Variants in DOCK1 observed in about 807,000 individuals in gnomAD.
The protein encoded by DOCK1 is dedicator of cytokinesis protein 1.
In DOCK1, 138 loss-of-function variants were observed where a neutral mutation model predicts 262.7. The ratio of observed to expected loss-of-function variants is 0.53; its 90% CI spans 0.46 to 0.61. The LOEUF (loss-of-function observed/expected upper bound fraction) is 0.61. Among genes scored for constraint, DOCK1 ranks in the 20% least tolerant of loss-of-function variants. DOCK1 has a pLI of 0.00. For synonymous variants in DOCK1, 866 were observed against 867.4 expected (o/e 1.00, Z 0.03); for missense variants, 1,908 against 2,370.7 (o/e 0.80, Z 4.05).
intron 27 of DOCK1, among the ~76,000 whole-genome samples, chr10:127,157,573 A>C (rs1008032037): frequency 1.3e-5 from 2 of 152,084 alleles, no homozygotes; most frequent in East Asian, 3.9e-4. Flanking sequence ...AGCCCAATTC[A>C]CCAATTCCTG....
intron 29 of DOCK1, among the ~76,000 whole-genome samples, chr10:127,263,991 A>G (rs866344906): frequency 1.3e-4 from 20 of 152,270 alleles, no homozygotes; most frequent in Middle Eastern, 6.8e-3. Context: ...CCTCGAAGAA[A>G]CCGTTTCTTA....
At chr10:127,394,352 T>TA (rs34284692) in intron 38 of DOCK1, among the ~76,000 whole-genome samples, 15,313 of 132,964 alleles carry the variant, frequency 0.12, 899 homozygotes, top group Middle Eastern at 0.13. Context: ...TGCACCAATG[T>TA]AAAAAAAAAA....
intron 31 of DOCK1, among the ~76,000 whole-genome samples, chr10:127,351,363 G>C (rs569050538): frequency 2.7e-4 from 41 of 152,284 alleles, no homozygotes; most frequent in Non-Finnish European, 3.4e-4. Context: ...CTCTTATTGA[G>C]AAAATGGGCA....
intron 32 of DOCK1, among the ~76,000 whole-genome samples, chr10:127,358,956 G>T (rs1266882696): frequency 6.6e-6 from 1 of 152,136 alleles, no homozygotes; most frequent in Non-Finnish European, 1.5e-5. Context: ...CTCTAGATGG[G>T]CTATGAGACC....
intron 1 of DOCK1, among the ~76,000 whole-genome samples, chr10:126,946,930 C>T (rs1434797319): frequency 1.3e-5 from 2 of 152,202 alleles, no homozygotes; most frequent in East Asian, 1.9e-4. Flanking sequence ...GACAGGCTCA[C>T]TTCTTGGATC....
At chr10:127,004,769 G>GCCCCCCCCCCC (rs1285670669) in intron 10 of DOCK1, among the ~76,000 whole-genome samples, 1 of 14,276 alleles carries the variant, frequency 7.0e-5, no homozygotes, top group Non-Finnish European at 1.4e-4. Flanking sequence ...CCCCTGCCCC[G>GCCCCCCCCCCC]CCACCCCCCC....
chr10:127,261,274 T>G (rs866389602), intron 29 of DOCK1, among the ~76,000 whole-genome samples: 10 of 126,766 alleles, frequency 7.9e-5, no homozygotes, highest in African/African-American at 3.1e-4. Context: ...TGTGTGTGTG[T>G]GCCTGCATGT....
chr10:127,400,318 T>C (rs558056743), intron 38 of DOCK1, among the ~76,000 whole-genome samples: 41 of 152,310 alleles, frequency 2.7e-4, no homozygotes, highest in African/African-American at 9.1e-4. Flanking sequence ...GGGGTCATCC[T>C]GGAAAGGAAA....
At chr10:126,948,926 T>G (rs2035898634) in intron 1 of DOCK1, among the ~76,000 whole-genome samples, 1 of 152,092 alleles carries the variant, frequency 6.6e-6, no homozygotes, top group African/African-American at 2.4e-5. Flanking sequence ...TGGAGCTGGT[T>G]GTATGCCTGG....
intron 27 of DOCK1, among the ~76,000 whole-genome samples, chr10:127,200,764 C>T (rs1468237861): frequency 6.6e-6 from 1 of 152,210 alleles, no homozygotes; most frequent in South Asian, 2.1e-4. Context: ...GATATTAGGA[C>T]ACTCCCAAGT....
At chr10:127,054,906 T>C (rs1269956786) in intron 22 of DOCK1, among the ~76,000 whole-genome samples, 7 of 152,244 alleles carry the variant, frequency 4.6e-5, no homozygotes, top group African/African-American at 1.7e-4. Context: ...GTTTCTGCTA[T>C]AGTAGTAAAT....
chr10:127,090,070 G>T (rs2047426073), intron 23 of DOCK1, among the ~76,000 whole-genome samples: 1 of 152,242 alleles, frequency 6.6e-6, no homozygotes, highest in Admixed American at 6.5e-5. Flanking sequence ...GGTGTGGGCG[G>T]CAGTTCTGGA....
chr10:126,908,377 T>C (rs573996569), intron 1 of DOCK1, among the ~76,000 whole-genome samples: 1 of 152,326 alleles, frequency 6.6e-6, no homozygotes, highest in East Asian at 1.9e-4. Context: ...ACAACAGGGC[T>C]GTGTTTCCCT....
At chr10:127,259,902 G>C (rs1169313238) in intron 29 of DOCK1, among the ~76,000 whole-genome samples, 2 of 151,208 alleles carry the variant, frequency 1.3e-5, no homozygotes, top group African/African-American at 4.9e-5. Flanking sequence ...CCTGCGCTAC[G>C]TAAGGGTTGC....
intron 29 of DOCK1, among the ~76,000 whole-genome samples, chr10:127,311,528 T>C (rs2062062036): frequency 6.6e-6 from 1 of 152,246 alleles, no homozygotes; most frequent in South Asian, 2.1e-4. Context: ...TTTTGGAATT[T>C]TGGATGTTCA....
At chr10:126,974,324 C>T (rs898351946) in intron 2 of DOCK1, among the ~76,000 whole-genome samples, 2 of 152,174 alleles carry the variant, frequency 1.3e-5, no homozygotes, top group African/African-American at 4.8e-5. Flanking sequence ...CCTTTTGATT[C>T]AGCCACATTC....
At chr10:127,088,021 G>A (rs190637264) in intron 23 of DOCK1, among the ~76,000 whole-genome samples, 3 of 152,198 alleles carry the variant, frequency 2.0e-5, no homozygotes, top group South Asian at 2.1e-4. Flanking sequence ...AGTTTTCTCT[G>A]ATTTGCTCTA....
intron 12 of DOCK1, among the ~76,000 whole-genome samples, chr10:127,013,934 G>T (rs1315219549): frequency 6.6e-6 from 1 of 152,222 alleles, no homozygotes; most frequent in Non-Finnish European, 1.5e-5. Flanking sequence ...CTGCCCACCG[G>T]CGCTCATTTT....
intron 23 of DOCK1, among the ~76,000 whole-genome samples, chr10:127,086,304 A>G (rs1444234914): frequency 6.7e-6 from 1 of 150,150 alleles, no homozygotes; most frequent in East Asian, 2.0e-4. Flanking sequence ...GACTTCCCAC[A>G]TTTCCCCCCA....
Sources: allele counts gnomAD v4.1 joint callset (sites outside exome capture counted in the v4.1 genomes callset), GRCh38; gene constraint gnomAD v4.1.1; transcripts MANE v1.5; gene names NCBI Gene and HGNC (gene_info 2026-07-23, HGNC 2026-07-21).